Variants in NALCN observed in about 807,000 individuals in gnomAD.
NALCN encodes sodium leak channel, non-selective, also known as sodium leak channel NALCN.
Under a neutral mutation model 225.3 loss-of-function variants are expected in NALCN, and 111 were observed. The observed-to-expected ratio is 0.49, with a 90% CI of 0.42 to 0.58. The LOEUF (loss-of-function observed/expected upper bound fraction) is 0.58, where lower values mean the gene tolerates loss of function less well. Among genes scored for constraint, NALCN ranks in the 20% least tolerant of loss-of-function variants. The pLI, the probability that NALCN is intolerant of heterozygous loss-of-function variation, is 0.00. For synonymous variants in NALCN, 764 were observed against 769.0 expected, an observed-to-expected ratio of 0.99 and a Z score of 0.11; for missense variants, 1,378 against 2,202.4, an observed-to-expected ratio of 0.63 and a Z score of 7.49.
intron 1 of NALCN, among the ~76,000 whole-genome samples, chr13:101,401,122 C>G (rs1034360333): frequency 6.6e-6 from 1 of 152,134 alleles, no homozygotes; most frequent in African/African-American, 2.4e-5. Context: ...CAGAAGAAAA[C>G]AAGCTAACTG....
At chr13:101,107,354 C>T in intron 22 of NALCN, 133 bp downstream of exon 22, 1 of 1,447,970 alleles carries the variant, frequency 6.9e-7, no homozygotes, top group Non-Finnish European at 9.4e-7. Flanking sequence ...CAAAGAGGAG[C>T]AGCATGATTA....
intron 17 of NALCN, 46 bp downstream of exon 17, chr13:101,143,034 A>G: frequency 6.2e-7 from 1 of 1,613,022 alleles, no homozygotes; most frequent in Non-Finnish European, 8.5e-7. Context: ...TTTCTCAAAC[A>G]TAGATGCTTT....
intron 10 of NALCN, 104 bp downstream of exon 10, chr13:101,283,829 A>T: frequency 1.0e-6 from 1 of 982,658 alleles, no homozygotes; most frequent in Non-Finnish European, 1.4e-6. Context: ...TCAGGATTTT[A>T]AATTTGGACA....
intron 10 of NALCN, among the ~76,000 whole-genome samples, chr13:101,259,460 A>G (rs2140220043): frequency 6.6e-6 from 1 of 151,792 alleles, no homozygotes; most frequent in South Asian, 2.1e-4. Context: ...CAGCCTCCCG[A>G]GTAGCTGGGA....
Position 101,125,760 on chromosome 13 carries a change from C to T in NALCN, c.2119-1079G>A, listed in dbSNP as rs570360774. Among the ~76,000 whole-genome samples, 6 of 152,192 alleles carry T rather than the reference C, an allele frequency of 3.9e-5. No homozygotes were observed. In the East Asian group the frequency reaches 1.2e-3, roughly 29 times the overall value. On this transcript the variant is annotated intron_variant, in intron 17 of 43. Coordinates refer to ENST00000251127, the MANE Select transcript of NALCN (RefSeq NM_052867.4). ...ATGAAAAAGTGGAGGTTATACTGGGCCTTGAAGGAAGGCTAAGATTCCTAG... is the reference window on the plus strand; with the variant it reads ...ATGAAAAAGTGGAGGTTATACTGGGTCTTGAAGGAAGGCTAAGATTCCTAG...
chr13:101,269,331 T>A (rs2042701252), intron 10 of NALCN, among the ~76,000 whole-genome samples: 1 of 151,998 alleles, frequency 6.6e-6, no homozygotes, highest in African/African-American at 2.4e-5. Context: ...ATAACTTAAT[T>A]TCCTCCATGT....
chr13:101,245,294 A>T (rs2041860243), intron 11 of NALCN, among the ~76,000 whole-genome samples: 1 of 152,098 alleles, frequency 6.6e-6, no homozygotes, highest in Non-Finnish European at 1.5e-5. Context: ...AGTATAATAA[A>T]CTTTTCTTTT....
At chr13:101,165,485 T>A (rs993509734) in intron 15 of NALCN, among the ~76,000 whole-genome samples, 1 of 152,224 alleles carries the variant, frequency 6.6e-6, no homozygotes, top group Admixed American at 6.5e-5. Context: ...TTGTTGTTGT[T>A]ATTTGAGACA....
At chr13:101,091,315 C>T (rs944218710) in intron 28 of NALCN, among the ~76,000 whole-genome samples, 4 of 152,074 alleles carry the variant, frequency 2.6e-5, no homozygotes, top group African/African-American at 7.2e-5. Flanking sequence ...AAATTTAACC[C>T]TCAGGACAGG....
At chr13:101,158,502 A>G (rs1479563881) in intron 15 of NALCN, among the ~76,000 whole-genome samples, 1 of 152,230 alleles carries the variant, frequency 6.6e-6, no homozygotes, top group East Asian at 1.9e-4. Context: ...TTAATCTTAG[A>G]AAATATTCTT....
chr13:101,140,913 C>G (rs922923226), intron 17 of NALCN, among the ~76,000 whole-genome samples: 1 of 151,978 alleles, frequency 6.6e-6, no homozygotes, highest in African/African-American at 2.4e-5. Flanking sequence ...CCAGCCTGGG[C>G]AACACAGCAA....
In NALCN at chr13:101,144,247, C is replaced by A. The variant is rs369284704; in HGVS notation, c.1976+513G>T. 2.6e-5 allele frequency among the ~76,000 whole-genome samples: 4 copies of A among 152,134 alleles called. No homozygotes were observed. In the East Asian group the frequency reaches 5.8e-4, roughly 22 times the overall value. On this transcript the variant is annotated intron_variant, in intron 16 of 43. Coordinates refer to ENST00000251127, the MANE Select transcript of NALCN (RefSeq NM_052867.4). ...TCAAATCAGTATGAGTGGAAAAACG[C>A]CACGGTTCTTCTTTTAAAAAGTGGA...
At chr13:101,063,570 C>T (rs529429458) in intron 40 of NALCN, among the ~76,000 whole-genome samples, 1 of 152,332 alleles carries the variant, frequency 6.6e-6, no homozygotes, top group Non-Finnish European at 1.5e-5. Flanking sequence ...GACTCAGAAA[C>T]ATTCTGACAG....
intron 37 of NALCN, among the ~76,000 whole-genome samples, chr13:101,069,364 T>G (rs2032673867): frequency 6.6e-6 from 1 of 152,244 alleles, no homozygotes; most frequent in South Asian, 2.1e-4. Context: ...TGTGGCTTAT[T>G]AAGTGCACAA....
At chr13:101,266,222 G>C (rs1885640222) in intron 10 of NALCN, among the ~76,000 whole-genome samples, 1 of 152,276 alleles carries the variant, frequency 6.6e-6, no homozygotes, top group South Asian at 2.1e-4. Context: ...AGCACTCTAA[G>C]GATTTGAAAG....
At chr13:101,191,646 T>C (rs2039684773) in intron 14 of NALCN, among the ~76,000 whole-genome samples, 1 of 152,168 alleles carries the variant, frequency 6.6e-6, no homozygotes, top group South Asian at 2.1e-4. Flanking sequence ...GATACTTAAA[T>C]TGGTATGTAA....
chr13:101,244,214 A>T (rs1057093083), intron 11 of NALCN, among the ~76,000 whole-genome samples: 2 of 151,908 alleles, frequency 1.3e-5, no homozygotes, highest in African/African-American at 4.8e-5. Context: ...GTGTTTTTTT[A>T]AAAGAAAACT....
intron 14 of NALCN, among the ~76,000 whole-genome samples, chr13:101,184,151 T>A (rs545497484): frequency 6.6e-5 from 10 of 152,340 alleles, no homozygotes; most frequent in African/African-American, 2.4e-4. Flanking sequence ...GATATCTAAT[T>A]CTTTATTTCC....
intron 7 of NALCN, among the ~76,000 whole-genome samples, chr13:101,304,456 G>A (rs1175796333): frequency 6.6e-6 from 1 of 151,738 alleles, no homozygotes; most frequent in African/African-American, 2.4e-5. Flanking sequence ...AGGCCCTGGT[G>A]TGTATTTTGT....
Sources: gnomAD v4.1 joint callset for allele counts (sites outside exome capture counted in the v4.1 genomes callset) on GRCh38, gnomAD v4.1.1 for gene constraint, MANE v1.5 for transcripts, NCBI Gene and HGNC (gene_info 2026-07-23, HGNC 2026-07-21) for gene names.